Variants in MTHFS observed in about 807,000 individuals in gnomAD.
The protein encoded by MTHFS is 5-formyltetrahydrofolate cyclo-ligase.
A neutral mutation model predicts 12.7 loss-of-function variants in MTHFS; 7 were observed. The observed-to-expected ratio is 0.55, with a 90% CI of 0.31 to 1.03. The LOEUF (loss-of-function observed/expected upper bound fraction) is 1.03, where lower values mean the gene tolerates loss of function less well. Ranked by LOEUF, MTHFS falls within the 50% of genes least tolerant of loss-of-function variation. The probability of loss-of-function intolerance (pLI) is 0.05; values close to 1 mark genes in which losing one functional copy is unlikely to be tolerated. For missense variants in MTHFS, 252 were observed against 258.1 expected (o/e 0.98, Z 0.16); for synonymous variants, 100 against 97.1 (o/e 1.03, Z -0.18).
intron 2 of MTHFS, among the ~76,000 whole-genome samples, chr15:79,870,568 C>A (rs1290669505): frequency 6.6e-6 from 1 of 152,042 alleles, no homozygotes; most frequent in Non-Finnish European, 1.5e-5. Context: ...ATACCACTCA[C>A]GGACCATGCT....
At chr15:79,845,484 TG>T in intron 2 of MTHFS, 42 bp from the exon 3 acceptor site, 4 of 1,588,968 alleles carry the variant, frequency 2.5e-6, no homozygotes, top group Non-Finnish European at 3.4e-6. Context: ...TAATTGTTTC[TG>T]AAAGATCATT....
At chr15:79,878,088 G>A (rs1191566557) in intron 2 of MTHFS, 3 of 152,148 alleles carry the variant, frequency 2.0e-5, no homozygotes, top group Non-Finnish European at 4.4e-5. Flanking sequence ...GAAACAGTAA[G>A]TAGGAAGGTA....
intron 2 of MTHFS, among the ~76,000 whole-genome samples, chr15:79,857,835 T>C (rs2033837804): frequency 6.6e-6 from 1 of 151,804 alleles, no homozygotes; most frequent in East Asian, 1.9e-4. Flanking sequence ...ACCAACACGG[T>C]GAAACCCCCG....
At chr15:79,891,868 TGAGGCAGAAGGATCACTTGAACCCAG>T (rs2034477322) in intron 1 of MTHFS, among the ~76,000 whole-genome samples, 1 of 143,736 alleles carries the variant, frequency 7.0e-6, no homozygotes, top group Non-Finnish European at 1.5e-5. Flanking sequence ...CTTGAGAGGC[TGAGGCAGAAGGATCACTTGAACCCAG>T]GAGGCAGAGG....
intron 2 of MTHFS, among the ~76,000 whole-genome samples, chr15:79,866,362 A>G (rs888429029): frequency 6.6e-6 from 1 of 152,218 alleles, no homozygotes; most frequent in African/African-American, 2.4e-5. Context: ...GTTTGAATCT[A>G]TACTTCCCAG....
chr15:79,861,805 T>C (rs2033918440), intron 2 of MTHFS, among the ~76,000 whole-genome samples: 1 of 152,204 alleles, frequency 6.6e-6, no homozygotes, highest in African/African-American at 2.4e-5. Context: ...CTATGGTTTA[T>C]CAACAAGTGA....
chr15:79,848,090 T>C (rs1043503215), intron 2 of MTHFS, among the ~76,000 whole-genome samples: 7 of 152,280 alleles, frequency 4.6e-5, no homozygotes, highest in African/African-American at 1.7e-4. Context: ...TGCCAAGATA[T>C]GGAAACAAGT....
chr15:79,856,006 G>A (rs979866621), intron 2 of MTHFS, among the ~76,000 whole-genome samples: 4 of 152,118 alleles, frequency 2.6e-5, no homozygotes, highest in Non-Finnish European at 4.4e-5. Flanking sequence ...ATGGTTGAAC[G>A]ATTTATATTC....
Position 79,889,473 on chromosome 15 carries a change from A to AGGG in MTHFS, c.118-120_118-119insCCC, listed in dbSNP as rs2034436232. The AGGG allele has an allele frequency of 2.4e-6, 3 of 1,224,758 alleles. No homozygotes were observed. The African/African-American group carries it at 4.9e-5, about 20-fold the overall frequency. The allele number at this position is 1,224,758 out of a possible 1,614,324, so 75.9% of individuals were successfully genotyped here. A position where few individuals can be genotyped will look rare whatever the true frequency, so the allele number is the denominator to read the frequency against. On this transcript the variant is annotated intron_variant, in intron 1 of 2. Coordinates refer to ENST00000258874, the MANE Select transcript of MTHFS (RefSeq NM_006441.4). The stretch of plus-strand genomic sequence containing the variant: ...TCTTTAAATATTAAAAAGAAAAAAA[A>AGGG]AGGGGGGGGGACCAGAGTGATATAG...
chr15:79,878,843 C>T (rs2034244701), intron 2 of MTHFS, among the ~76,000 whole-genome samples: 1 of 147,714 alleles, frequency 6.8e-6, no homozygotes, highest in Non-Finnish European at 1.5e-5. Flanking sequence ...GTCAGCCTAG[C>T]ACAGGAAAGC....
chr15:79,882,490 C>G (rs1290944250), intron 2 of MTHFS, among the ~76,000 whole-genome samples: 1 of 152,228 alleles, frequency 6.6e-6, no homozygotes, highest in Non-Finnish European at 1.5e-5. Flanking sequence ...CTAAGTATTA[C>G]TCCATGTACT....
In MTHFS at chr15:79,845,084, A is replaced by AT; in HGVS notation, c.*125dup. On this transcript the variant is annotated 3_prime_UTR_variant, in exon 3 of 3. Transcript: ENST00000258874. ...TTATATAAGGTATTTCATAATTACA[A>AT]TTTTAAAATGCAGTCTGTATTCACA... is the stretch of plus-strand genomic sequence containing the variant. The AT allele has an allele frequency of 1.6e-6, 2 of 1,256,518 alleles. No individual in the cohort carries two copies. Among genetic ancestry groups the AT allele is most frequent in the Non-Finnish European group, 2.2e-6 (2 of 924,602 alleles). 77.8% of individuals were successfully genotyped at this position (1,256,518 alleles called of 1,614,324 possible). A position where few individuals can be genotyped will look rare whatever the true frequency, so the allele number is the denominator to read the frequency against.
intron 2 of MTHFS, among the ~76,000 whole-genome samples, chr15:79,847,093 C>T (rs960175653): frequency 2.0e-5 from 3 of 152,152 alleles, no homozygotes; most frequent in Admixed American, 6.5e-5. Context: ...GGAGAGCAAA[C>T]GCTGGGTGGT....
intron 1 of MTHFS, among the ~76,000 whole-genome samples, chr15:79,890,816 G>C (rs2034460720): frequency 6.6e-6 from 1 of 152,178 alleles, no homozygotes; most frequent in Non-Finnish European, 1.5e-5. Flanking sequence ...AAATTGTTTT[G>C]AGGCCTGAAA....
At position 79,887,298 on chromosome 15, in the gene MTHFS, T is replaced by C. The variant is rs867579548; in HGVS notation, c.379+1795A>G. 5.0e-4 allele frequency among the ~76,000 whole-genome samples: 76 copies of C among 152,212 alleles called. 1 individual carries two copies. Among genetic ancestry groups the C allele is most frequent in the Middle Eastern group, 3.4e-3 (1 of 294 alleles). On this transcript the variant is annotated intron_variant, in intron 2 of 2. Transcript: ENST00000258874. Reference sequence around the variant, plus strand: ...GATTGAGATTATCCTAACCAAGAAGTGTAAATATAAGTTAAAAGGAAAAAT... The same window carrying C: ...GATTGAGATTATCCTAACCAAGAAGCGTAAATATAAGTTAAAAGGAAAAAT...
At chr15:79,862,219 C>T (rs1185313555) in intron 2 of MTHFS, among the ~76,000 whole-genome samples, 2 of 152,150 alleles carry the variant, frequency 1.3e-5, no homozygotes, top group African/African-American at 4.8e-5. Context: ...AAATATTTGG[C>T]AGCTTGCACA....
chr15:79,846,849 T>G (rs2033624820), intron 2 of MTHFS, among the ~76,000 whole-genome samples: 1 of 152,230 alleles, frequency 6.6e-6, no homozygotes. Context: ...CAGTTCTGTC[T>G]TCTATACCTA....
At chr15:79,895,023 G>A (rs1456732963) in intron 1 of MTHFS, among the ~76,000 whole-genome samples, 1 of 151,880 alleles carries the variant, frequency 6.6e-6, no homozygotes, top group Non-Finnish European at 1.5e-5. Context: ...ACAAACAATA[G>A]GTAAAGCTCT....
chr15:79,862,979 A>G (rs187518678), intron 2 of MTHFS, among the ~76,000 whole-genome samples: 2 of 152,280 alleles, frequency 1.3e-5, no homozygotes, highest in East Asian at 3.9e-4. Context: ...CCAACTAGCC[A>G]TCTACCAGCA....
Sources: gnomAD v4.1 joint callset for allele counts (sites outside exome capture counted in the v4.1 genomes callset) on GRCh38, gnomAD v4.1.1 for gene constraint, MANE v1.5 for transcripts, NCBI Gene and HGNC (gene_info 2026-07-23, HGNC 2026-07-21) for gene names.